The following NPAS2 variants were observed in gnomAD, a reference collection of about 807,000 sequenced individuals.
NPAS2 encodes the protein neuronal PAS domain protein 2.
NPAS2 carries 23 observed loss-of-function variants against 107.5 expected under a neutral mutation model. That is an observed-to-expected ratio of 0.21 (90% CI 0.15 to 0.30). The LOEUF (loss-of-function observed/expected upper bound fraction) is 0.30. Ranked by LOEUF, NPAS2 falls within the 10% of genes least tolerant of loss-of-function variation. NPAS2 has a pLI of 1.00. For synonymous variants in NPAS2, 403 were observed against 417.5 expected, an observed-to-expected ratio of 0.97 and a Z score of 0.42; for missense variants, 756 against 1,043.3, an observed-to-expected ratio of 0.72 and a Z score of 3.79.
At chr2:100,819,962 G>A (rs1370767337), upstream of NPAS2, among the ~76,000 whole-genome samples, 5 of 151,856 alleles carry the variant, frequency 3.3e-5, no homozygotes, top group African/African-American at 1.2e-4. The surrounding 1 kb of genome is among the most constrained non-coding windows in gnomAD (Gnocchi z 5.8). Context: ...TCTGCCTGCG[G>A]CGCGCGCGGG....
chr2:100,840,687 G>A (rs1171592063), intron 1 of NPAS2, among the ~76,000 whole-genome samples: 4 of 151,790 alleles, frequency 2.6e-5, no homozygotes, highest in African/African-American at 4.8e-5. Context: ...TTCCAGAGTC[G>A]ATCTGTCAGA....
At chr2:100,865,373 G>A (rs1679188345) in intron 1 of NPAS2, among the ~76,000 whole-genome samples, 1 of 152,112 alleles carries the variant, frequency 6.6e-6, no homozygotes, top group African/African-American at 2.4e-5. Context: ...TGGGAACGTA[G>A]CCTGGACTCC....
chr2:100,977,290 A>G (rs1384115101), intron 14 of NPAS2: 2 of 237,538 alleles, frequency 8.4e-6, no homozygotes, highest in African/African-American at 4.4e-5. Flanking sequence ...CTGAGCAGAA[A>G]AGATACGGAC....
chr2:100,858,835 T>C (rs1678750440), intron 1 of NPAS2, among the ~76,000 whole-genome samples: 1 of 152,200 alleles, frequency 6.6e-6, no homozygotes, highest in African/African-American at 2.4e-5. Flanking sequence ...CCCCGTCCTG[T>C]TTATTTGGAT....
chr2:100,826,539 C>T (rs956020225), intron 1 of NPAS2, among the ~76,000 whole-genome samples: 2 of 152,236 alleles, frequency 1.3e-5, no homozygotes, highest in African/African-American at 4.8e-5. Flanking sequence ...TAATGACATA[C>T]CTTTTTCTTT....
At chr2:100,858,682 T>C (rs1573481974) in intron 1 of NPAS2, among the ~76,000 whole-genome samples, 1 of 152,120 alleles carries the variant, frequency 6.6e-6, no homozygotes. Context: ...TCACAATAGG[T>C]CCCAGTGTGA....
Position 100,820,909 on chromosome 2 carries a change from C to A in NPAS2, c.-23+495C>A. On this transcript the variant is annotated intron_variant, in intron 1 of 20. Transcript: ENST00000335681. The surrounding 1 kb of genome is among the most constrained non-coding windows in gnomAD (Gnocchi z 5.6). ...GGAGTCCCTGGGTCGGAATTGGTTCCGGGCCGGATTGGGTGCGGAATCGGT... is the reference window on the plus strand; with the variant it reads ...GGAGTCCCTGGGTCGGAATTGGTTCAGGGCCGGATTGGGTGCGGAATCGGT... 3 of 592,566 alleles carry A rather than the reference C, an allele frequency of 5.1e-6. No homozygotes were observed. Among genetic ancestry groups the A allele is most frequent in the Non-Finnish European group, 7.8e-6 (3 of 382,208 alleles). 36.7% of individuals were successfully genotyped at this position (592,566 alleles called of 1,614,324 possible).
At chr2:100,903,923 GA>G (rs1194797102) in intron 1 of NPAS2, among the ~76,000 whole-genome samples, 1 of 152,202 alleles carries the variant, frequency 6.6e-6, no homozygotes, top group East Asian at 1.9e-4. Context: ...GGTAGGAGAG[GA>G]AGCTGGATCT....
intron 1 of NPAS2, among the ~76,000 whole-genome samples, chr2:100,848,848 A>G (rs972097009): frequency 3.9e-5 from 6 of 152,350 alleles, no homozygotes; most frequent in African/African-American, 9.6e-5. Flanking sequence ...AAATAATTCT[A>G]TTTGGGGAAA....
intron 1 of NPAS2, chr2:100,847,102 T>C (rs958990956): frequency 2.0e-5 from 3 of 152,234 alleles, no homozygotes; most frequent in Admixed American, 6.5e-5. Flanking sequence ...TTCCATTCTT[T>C]CCTGGAGTTT....
intron 7 of NPAS2, among the ~76,000 whole-genome samples, chr2:100,961,704 A>G (rs1359711293): frequency 1.3e-5 from 2 of 152,230 alleles, no homozygotes; most frequent in African/African-American, 2.4e-5. Flanking sequence ...CGAAGAAGCA[A>G]CCAGGGCCTC....
intron 16 of NPAS2, chr2:100,987,183 C>CAAG (rs1476106576): frequency 6.6e-6 from 1 of 152,212 alleles, no homozygotes; most frequent in Non-Finnish European, 1.5e-5. Context: ...GCGATCTGCC[C>CAAG]GCCTTGGCCT....
At chr2:100,935,339 G>C (rs1238343770) in intron 4 of NPAS2, among the ~76,000 whole-genome samples, 1 of 152,210 alleles carries the variant, frequency 6.6e-6, no homozygotes, top group Non-Finnish European at 1.5e-5. Context: ...GAAAGGGAAG[G>C]TTTCGTTTCC....
At chr2:100,827,425 A>G (rs1676456430) in intron 1 of NPAS2, among the ~76,000 whole-genome samples, 1 of 152,138 alleles carries the variant, frequency 6.6e-6, no homozygotes, top group Non-Finnish European at 1.5e-5. Flanking sequence ...ATACATGTGC[A>G]GGTTTGTTAC....
intron 1 of NPAS2, among the ~76,000 whole-genome samples, chr2:100,842,081 G>GCGCGCGCGCGCA: frequency 4.0e-5 from 6 of 148,798 alleles, no homozygotes; most frequent in Non-Finnish European, 1.5e-5. Context: ...GCATGTACGC[G>GCGCGCGCGCGCA]CACACACACA....
intron 1 of NPAS2, among the ~76,000 whole-genome samples, chr2:100,849,043 A>C (rs909104588): frequency 6.6e-6 from 1 of 152,222 alleles, no homozygotes; most frequent in Non-Finnish European, 1.5e-5. Flanking sequence ...TTCCCTGCAC[A>C]CTTAAATCTA....
At chr2:100,991,120 T>C (rs1309143805) in intron 19 of NPAS2, among the ~76,000 whole-genome samples, 2 of 152,152 alleles carry the variant, frequency 1.3e-5, no homozygotes, top group Non-Finnish European at 2.9e-5. Flanking sequence ...ACCCCACCGT[T>C]TGCCATCATC....
chr2:100,935,363 C>A (rs537820245), intron 4 of NPAS2, among the ~76,000 whole-genome samples: 1 of 152,148 alleles, frequency 6.6e-6, no homozygotes, highest in Admixed American at 6.5e-5. Context: ...TAATGTGTGG[C>A]GGTTAGAAAA....
intron 13 of NPAS2, 77 bp from the exon 14 acceptor site, chr2:100,975,381 C>T (rs982547362): frequency 2.4e-5 from 31 of 1,291,946 alleles, no homozygotes; most frequent in South Asian, 8.1e-5. Flanking sequence ...GTGCACACCA[C>T]GGTCATGGGT....
Sources: gnomAD v4.1 joint callset for allele counts (sites outside exome capture counted in the v4.1 genomes callset) on GRCh38, gnomAD v4.1.1 for gene constraint, Gnocchi (gnomAD v3.1) non-coding constraint, MANE v1.5 for transcripts, NCBI Gene and HGNC (gene_info 2026-07-23, HGNC 2026-07-21) for gene names.